The following NKAIN2 variants were observed in gnomAD, a reference collection of about 807,000 sequenced individuals.
The protein encoded by NKAIN2 is sodium/potassium transporting ATPase interacting 2.
In NKAIN2, 14 loss-of-function variants were observed where a neutral mutation model predicts 32.6. The ratio of observed to expected loss-of-function variants is 0.43; its 90% CI spans 0.28 to 0.67. The LOEUF (loss-of-function observed/expected upper bound fraction) is 0.67. Among genes scored for constraint, NKAIN2 ranks in the 30% least tolerant of loss-of-function variants. NKAIN2 has a pLI of 0.17. For synonymous variants in NKAIN2, 80 were observed against 87.2 expected (o/e 0.92, Z 0.46); for missense variants, 198 against 258.3 (o/e 0.77, Z 1.60).
chr6:124,015,531 G>C (rs1197305683), intron 1 of NKAIN2, among the ~76,000 whole-genome samples: 3 of 151,942 alleles, frequency 2.0e-5, no homozygotes, highest in South Asian at 4.2e-4. Flanking sequence ...GTATTTTATT[G>C]GATCATTTGA....
At chr6:124,283,847 T>A (rs866742924) in intron 2 of NKAIN2, among the ~76,000 whole-genome samples, 1 of 152,216 alleles carries the variant, frequency 6.6e-6, no homozygotes, top group African/African-American at 2.4e-5. Context: ...TTTCTATTTC[T>A]TCTATTTTTG....
intron 3 of NKAIN2, among the ~76,000 whole-genome samples, chr6:124,565,292 C>T (rs991448264): frequency 2.6e-5 from 4 of 152,184 alleles, no homozygotes; most frequent in Non-Finnish European, 5.9e-5. Flanking sequence ...AATGTCAGTG[C>T]ATTACATTTT....
At chr6:124,726,389 G>T (rs151267790) in intron 4 of NKAIN2, among the ~76,000 whole-genome samples, 4,837 of 152,072 alleles carry the variant, frequency 0.032, 94 homozygotes, top group East Asian at 0.09. Flanking sequence ...TCCTCAAGTG[G>T]GTCCCTGACC....
At chr6:124,049,683 C>A (rs987671138) in intron 1 of NKAIN2, among the ~76,000 whole-genome samples, 4 of 152,030 alleles carry the variant, frequency 2.6e-5, no homozygotes, top group African/African-American at 9.7e-5. Flanking sequence ...TCACACCATT[C>A]CACTCCATCC....
At chr6:124,464,556 A>C (rs988272856) in intron 3 of NKAIN2, among the ~76,000 whole-genome samples, 1 of 151,910 alleles carries the variant, frequency 6.6e-6, no homozygotes, top group Non-Finnish European at 1.5e-5. Context: ...ATGTTATAGT[A>C]TACATGCCAT....
Position 124,515,905 on chromosome 6 carries a change from A to C in NKAIN2, c.274-142281A>C, listed in dbSNP as rs9401750. On this transcript the variant is annotated intron_variant, in intron 3 of 6. Transcript: ENST00000368417. ...GATAACCTCCTTCTACCATCAAAAA[A>C]TGCTTTCATTTAGAGTCTTCTGTAT... 4.9e-4 allele frequency among the ~76,000 whole-genome samples: 74 copies of C among 151,866 alleles called. 1 individual carries two copies. The highest frequency in any genetic ancestry group is 1.7e-3 in the African/African-American group (72 of 41,488).
intron 3 of NKAIN2, among the ~76,000 whole-genome samples, chr6:124,500,348 A>G (rs1339334055): frequency 2.6e-5 from 4 of 151,740 alleles, no homozygotes; most frequent in African/African-American, 9.7e-5. Flanking sequence ...TTTTTTTTTA[A>G]TCTAAAATGG....
At chr6:124,236,261 G>T (rs980401265) in intron 1 of NKAIN2, among the ~76,000 whole-genome samples, 3 of 152,076 alleles carry the variant, frequency 2.0e-5, no homozygotes, top group Admixed American at 6.6e-5. Flanking sequence ...TAGCATGAAA[G>T]AATTAAAATA....
intron 3 of NKAIN2, among the ~76,000 whole-genome samples, chr6:124,479,553 T>C (rs1202772937): frequency 6.6e-6 from 1 of 152,208 alleles, no homozygotes; most frequent in Non-Finnish European, 1.5e-5. Flanking sequence ...GTGACAATAA[T>C]TGAGGCATGG....
chr6:123,819,925 G>A (rs1210584118), intron 1 of NKAIN2, among the ~76,000 whole-genome samples: 1 of 152,116 alleles, frequency 6.6e-6, no homozygotes, highest in South Asian at 2.1e-4. Flanking sequence ...ATAGAGGAAC[G>A]AAAAGAGCAG....
intron 6 of NKAIN2, among the ~76,000 whole-genome samples, chr6:124,822,004 G>C (rs1479311054): frequency 2.6e-5 from 4 of 152,142 alleles, no homozygotes; most frequent in African/African-American, 9.7e-5. Context: ...GTTTGACCTG[G>C]TATTACATTC....
intron 3 of NKAIN2, among the ~76,000 whole-genome samples, chr6:124,407,445 G>C (rs1391231971): frequency 2.0e-5 from 3 of 151,234 alleles, no homozygotes; most frequent in African/African-American, 4.9e-5. Context: ...AACATGCGGT[G>C]TTTGGTTTTT....
chr6:124,186,767 A>G (rs1440987033), intron 1 of NKAIN2, among the ~76,000 whole-genome samples: 1 of 152,218 alleles, frequency 6.6e-6, no homozygotes, highest in Non-Finnish European at 1.5e-5. Context: ...TAAATTAGCT[A>G]AAAAGCATAA....
intron 1 of NKAIN2, among the ~76,000 whole-genome samples, chr6:123,845,792 T>C (rs1775063641): frequency 6.6e-6 from 1 of 152,204 alleles, no homozygotes; most frequent in Non-Finnish European, 1.5e-5. Context: ...ATATTTCTGA[T>C]AGTTACAGAG....
At chr6:123,994,782 C>T (rs777440325) in intron 1 of NKAIN2, among the ~76,000 whole-genome samples, 9 of 152,190 alleles carry the variant, frequency 5.9e-5, no homozygotes, top group South Asian at 4.1e-4. Context: ...TACAAATGCA[C>T]GTCTTTTATA....
intron 1 of NKAIN2, among the ~76,000 whole-genome samples, chr6:124,060,611 A>G (rs1782878677): frequency 6.6e-6 from 1 of 152,152 alleles, no homozygotes; most frequent in Non-Finnish European, 1.5e-5. Context: ...TATGTCTGCC[A>G]TGTTTAACAT....
chr6:124,705,169 G>A (rs1177643489), intron 4 of NKAIN2, among the ~76,000 whole-genome samples: 7 of 152,046 alleles, frequency 4.6e-5, no homozygotes, highest in African/African-American at 1.7e-4. Context: ...GAATAACTAA[G>A]TAGATAAATG....
intron 1 of NKAIN2, among the ~76,000 whole-genome samples, chr6:123,870,006 G>A (rs1006799923): frequency 2.0e-5 from 3 of 152,164 alleles, no homozygotes; most frequent in Non-Finnish European, 2.9e-5. Context: ...ATTATATAAC[G>A]AATAACTAGA....
chr6:124,473,028 G>A (rs188083231), intron 3 of NKAIN2, among the ~76,000 whole-genome samples: 2 of 152,098 alleles, frequency 1.3e-5, no homozygotes, highest in African/African-American at 4.8e-5. Context: ...AACCAGACAG[G>A]TTCTGCAGAA....
Sources: gnomAD v4.1 joint callset for allele counts (sites outside exome capture counted in the v4.1 genomes callset) on GRCh38, gnomAD v4.1.1 for gene constraint, MANE v1.5 for transcripts, NCBI Gene and HGNC (gene_info 2026-07-23, HGNC 2026-07-21) for gene names.